Variants in ZNF385D observed in about 807,000 individuals in gnomAD.
ZNF385D encodes the protein zinc finger protein 659.
In ZNF385D, 15 loss-of-function variants were observed where a neutral mutation model predicts 35.8. The observed-to-expected ratio is 0.42, with a 90% confidence interval of 0.28 to 0.64. The LOEUF is 0.64. ZNF385D is among the 30% of genes least tolerant of loss of function. ZNF385D has a pLI of 0.23. For synonymous variants in ZNF385D, 212 were observed against 186.8 expected (o/e 1.13, Z -1.10); for missense variants, 474 against 494.6 (o/e 0.96, Z 0.39).
chr3:22,265,113 C>T (rs995972873), intron 2 of ZNF385D, among the ~76,000 whole-genome samples: 1 of 151,934 alleles, frequency 6.6e-6, no homozygotes, highest in African/African-American at 2.4e-5. Context: ...TGCCCCAGTA[C>T]TCAAGGAGTT....
chr3:21,851,701 T>G (rs1380465645), intron 3 of ZNF385D, among the ~76,000 whole-genome samples: 1 of 152,038 alleles, frequency 6.6e-6, no homozygotes, highest in Non-Finnish European at 1.5e-5. Flanking sequence ...ATATTTTCAA[T>G]GACATACAAT....
chr3:22,023,377 T>A (rs998119255), intron 3 of ZNF385D, among the ~76,000 whole-genome samples: 7 of 152,270 alleles, frequency 4.6e-5, no homozygotes, highest in Non-Finnish European at 1.0e-4. Context: ...CATAATATTA[T>A]TATCATGCAC....
At chr3:22,157,766 T>A (rs1319096816) in intron 3 of ZNF385D, among the ~76,000 whole-genome samples, 2 of 152,130 alleles carry the variant, frequency 1.3e-5, no homozygotes, top group African/African-American at 4.8e-5. Context: ...TATTCATTCC[T>A]CTCAGGGTTG....
At chr3:22,119,826 G>A (rs1248445653) in intron 3 of ZNF385D, among the ~76,000 whole-genome samples, 3 of 151,840 alleles carry the variant, frequency 2.0e-5, no homozygotes. Flanking sequence ...AGCATCTACT[G>A]CATATTAGGT....
intron 3 of ZNF385D, among the ~76,000 whole-genome samples, chr3:21,958,183 G>A (rs372657324): frequency 1.9e-4 from 29 of 151,956 alleles, no homozygotes; most frequent in African/African-American, 6.0e-4. Flanking sequence ...ATATTCTATC[G>A]TTTCTACCTA....
At chr3:21,808,328 C>G (rs978294023) in intron 3 of ZNF385D, among the ~76,000 whole-genome samples, 1 of 152,182 alleles carries the variant, frequency 6.6e-6, no homozygotes, top group African/African-American at 2.4e-5. Flanking sequence ...TAGTATAACA[C>G]CTTCTTGAAT....
intron 3 of ZNF385D, chr3:21,777,925 G>C (rs1450242237): frequency 1.3e-5 from 2 of 151,842 alleles, no homozygotes; most frequent in Non-Finnish European, 2.9e-5. Context: ...ATAAGAAGCG[G>C]AATTGTCCAG....
intron 2 of ZNF385D, among the ~76,000 whole-genome samples, chr3:22,224,133 G>T (rs561896018): frequency 5.9e-5 from 9 of 152,026 alleles, no homozygotes; most frequent in Non-Finnish European, 1.2e-4. Flanking sequence ...ACCCTCAAAA[G>T]AAAGAATGAG....
intron 2 of ZNF385D, among the ~76,000 whole-genome samples, chr3:22,216,199 T>A (rs1453377297): frequency 6.6e-6 from 1 of 151,990 alleles, no homozygotes; most frequent in African/African-American, 2.4e-5. Context: ...TGCCAGAATA[T>A]TTTTTCCTTA....
chr3:21,747,046 T>C lies in ZNF385D; in HGVS notation c.22+3849A>G, dbSNP rs531798234. Among the ~76,000 whole-genome samples, 11 of 152,140 alleles carry C rather than the reference T, an allele frequency of 7.2e-5. No homozygotes were observed. In the East Asian group the frequency reaches 1.4e-3, roughly 19 times the overall value. ...ATTTTCCTACTAGATTTTCTTTTTT[T>C]TTTTTTTTTAGCTGTTGTATTAAAA... is the stretch of plus-strand genomic sequence containing the variant. On this transcript the variant is annotated intron_variant, in intron 1 of 7. Transcript: ENST00000281523.
rs1700658514 is a variant in ZNF385D, at chr3:21,419,708, G to A, written c.*1506C>T. The A allele has an allele frequency of 6.6e-6, 1 of 151,980 alleles. No individual in the cohort carries two copies. The allele number at this position is 151,980 out of a possible 1,614,324, so 9.4% of individuals were successfully genotyped here. A position where few individuals can be genotyped will look rare whatever the true frequency, so the allele number is the denominator to read the frequency against. ...AGCTTTCTATGGGAAAAAGCAAATAGCCTTTATCACAAATTAAAGGCACAG... is the reference window on the plus strand; with the variant it reads ...AGCTTTCTATGGGAAAAAGCAAATAACCTTTATCACAAATTAAAGGCACAG... On this transcript the variant is annotated 3_prime_UTR_variant, in exon 8 of 8. Coordinates refer to ENST00000281523, the MANE Select transcript of ZNF385D (RefSeq NM_024697.3).
At chr3:21,479,189 G>T (rs2125370736) in intron 4 of ZNF385D, among the ~76,000 whole-genome samples, 1 of 150,722 alleles carries the variant, frequency 6.6e-6, no homozygotes, top group Non-Finnish European at 1.5e-5. Context: ...GGAGTCTAGA[G>T]CTCTAAGTTA....
chr3:21,818,763 T>A (rs1351561743), intron 3 of ZNF385D, among the ~76,000 whole-genome samples: 1 of 152,052 alleles, frequency 6.6e-6, no homozygotes, highest in Non-Finnish European at 1.5e-5. Flanking sequence ...TGAACATTCA[T>A]TATCCAAATA....
At chr3:21,967,332 C>A (rs1702969109) in intron 3 of ZNF385D, among the ~76,000 whole-genome samples, 1 of 152,150 alleles carries the variant, frequency 6.6e-6, no homozygotes, top group Non-Finnish European at 1.5e-5. Flanking sequence ...TTGGCAGCAG[C>A]TTTATCTTAA....
chr3:21,727,142 C>T (rs1279056518), intron 1 of ZNF385D, among the ~76,000 whole-genome samples: 2 of 152,098 alleles, frequency 1.3e-5, no homozygotes, highest in African/African-American at 2.4e-5. Flanking sequence ...AAACTGGACC[C>T]CTTTCTTACA....
chr3:22,086,004 A>T (rs2620545), intron 3 of ZNF385D, among the ~76,000 whole-genome samples: 4 of 152,104 alleles, frequency 2.6e-5, no homozygotes, highest in South Asian at 2.1e-4. Context: ...ATTCAACAAC[A>T]CTTCATGCTA....
At chr3:21,844,112 C>A (rs373419726) in intron 3 of ZNF385D, among the ~76,000 whole-genome samples, 1 of 151,882 alleles carries the variant, frequency 6.6e-6, no homozygotes, top group Non-Finnish European at 1.5e-5. Flanking sequence ...ATATATTTTA[C>A]GGGATTTTCA....
chr3:22,142,507 T>C (rs1054376507), intron 3 of ZNF385D, among the ~76,000 whole-genome samples: 5 of 152,200 alleles, frequency 3.3e-5, no homozygotes, highest in African/African-American at 1.2e-4. Context: ...TCAATTTGTT[T>C]GTATACATAT....
chr3:21,690,100 A>G (rs1041383665), intron 1 of ZNF385D, among the ~76,000 whole-genome samples: 2 of 152,196 alleles, frequency 1.3e-5, no homozygotes, highest in Non-Finnish European at 2.9e-5. Context: ...TAATTTGTAT[A>G]CATGTAACAT....
Sources: gnomAD v4.1 joint callset for allele counts (sites outside exome capture counted in the v4.1 genomes callset) on GRCh38, gnomAD v4.1.1 for gene constraint, MANE v1.5 for transcripts, NCBI Gene and HGNC (gene_info 2026-07-23, HGNC 2026-07-21) for gene names.